GIPC3: variants seen among roughly 807,000 people sequenced by gnomAD.
The protein encoded by GIPC3 is GIPC PDZ domain containing family member 3, also known as PDZ domain-containing protein GIPC3.
In GIPC3, 16 loss-of-function variants were observed where a neutral mutation model predicts 27.3. The ratio of observed to expected loss-of-function variants is 0.59; its 90% CI spans 0.40 to 0.89. The LOEUF is 0.89. Ranked by LOEUF, GIPC3 falls within the 40% of genes least tolerant of loss-of-function variation. The probability of loss-of-function intolerance (pLI) is 0.00; values close to 1 mark genes in which losing one functional copy is unlikely to be tolerated. For missense variants in GIPC3, 440 were observed against 442.1 expected (o/e 1.00, Z 0.04); for synonymous variants, 194 against 184.6 (o/e 1.05, Z -0.41).
chr19:3,586,728 C>T (rs2032373510), intron 2 of GIPC3, 48 bp downstream of exon 2: 2 of 1,599,148 alleles, frequency 1.3e-6, no homozygotes, highest in Non-Finnish European at 8.6e-7. Flanking sequence ...CCAGCAACTG[C>T]CCCCCCCACT....
rs992173632 is a variant in GIPC3 at position 3,593,144 on chromosome 19, C to T, written c.*2954C>T. On this transcript the variant is annotated 3_prime_UTR_variant, in exon 6 of 6. Transcript: ENST00000644452. ...CCCGGGTGGGACCCCAGAAGTCCAC[C>T]CCACCCACCATATCTGTCACTCCTA... is the stretch of plus-strand genomic sequence containing the variant. 1.6e-5 allele frequency: 20 copies of T among 1,232,136 alleles called. No individual in the cohort carries two copies. The Admixed American group carries it at 8.4e-4, about 52-fold the overall frequency. The allele number at this position is 1,232,136 out of a possible 1,614,324, so 76.3% of individuals were successfully genotyped here.
In GIPC3 at chr19:3,590,347, G is replaced by A; in HGVS notation, c.*157G>A. The A allele has an allele frequency of 6.9e-7, 1 of 1,443,694 alleles. No homozygotes were observed. Among genetic ancestry groups the A allele is most frequent in the Non-Finnish European group, 9.1e-7 (1 of 1,102,098 alleles). The allele number at this position is 1,443,694 out of a possible 1,614,324, so 89.4% of individuals were successfully genotyped here. A position where few individuals can be genotyped will look rare whatever the true frequency, so the allele number is the denominator to read the frequency against. On this transcript the variant is annotated 3_prime_UTR_variant, in exon 6 of 6. Transcript: ENST00000644452. ...AACTCCAGAACCCAACCCTTCTCTAGAATCCAGCCCAGATCTGAGGCCAAG... is the reference window on the plus strand; with the variant it reads ...AACTCCAGAACCCAACCCTTCTCTAAAATCCAGCCCAGATCTGAGGCCAAG...
Position 3,585,894 on chromosome 19 carries a change from G to T in GIPC3, c.225+72G>T, listed in dbSNP as rs1384205891. ...TGAGGGGTAGGGAGCTTGGACCCTG[G>T]ACGGGAGACCCCAGATCCCCGGATC... On this transcript the variant is annotated intron_variant, in intron 1 of 5. Coordinates refer to ENST00000644452, the MANE Select transcript of GIPC3 (RefSeq NM_133261.3). 4 of 1,501,412 alleles carry T rather than the reference G, an allele frequency of 2.7e-6. No individual in the cohort carries two copies. In the African/African-American group the frequency reaches 5.7e-5, roughly 21 times the overall value. The allele number at this position is 1,501,412 out of a possible 1,614,324, so 93.0% of individuals were successfully genotyped here. A position where few individuals can be genotyped will look rare whatever the true frequency, so the allele number is the denominator to read the frequency against.
chr19:3,590,277 G>C lies in GIPC3; in HGVS notation c.*87G>C. On this transcript the variant is annotated 3_prime_UTR_variant, in exon 6 of 6. Coordinates refer to ENST00000644452, the MANE Select transcript of GIPC3 (RefSeq NM_133261.3). ...CTCCAGAACCCAGCCCAGATCGGAG[G>C]ACAAGTTCCTCTCTAGAACCCAATC... 6.6e-7 allele frequency: 1 copy of C among 1,507,904 alleles called. No homozygotes were observed. Among genetic ancestry groups the C allele is most frequent in the Admixed American group, 2.1e-5 (1 of 46,730 alleles). The allele number at this position is 1,507,904 out of a possible 1,614,324, so 93.4% of individuals were successfully genotyped here.
rs1007362364 is a variant in GIPC3 at position 3,590,461 on chromosome 19, A to C, written c.*271A>C. The C allele has an allele frequency of 1.4e-6, 2 of 1,422,464 alleles. No homozygotes were observed. Among genetic ancestry groups the C allele is most frequent in the Non-Finnish European group, 1.8e-6 (2 of 1,093,442 alleles). The allele number at this position is 1,422,464 out of a possible 1,614,324, so 88.1% of individuals were successfully genotyped here. A position where few individuals can be genotyped will look rare whatever the true frequency, so the allele number is the denominator to read the frequency against. On this transcript the variant is annotated 3_prime_UTR_variant, in exon 6 of 6. Coordinates refer to ENST00000644452, the MANE Select transcript of GIPC3 (RefSeq NM_133261.3). Reference sequence around the variant, plus strand: ...AAAACTCAGGCCAGCCCTGAGACCAAGCCCAGCTCTAGAACTCAGATGAGC... The same window carrying C: ...AAAACTCAGGCCAGCCCTGAGACCACGCCCAGCTCTAGAACTCAGATGAGC...
rs2032497961 is a variant in GIPC3 at position 3,592,202 on chromosome 19, AG to A, written c.*2013del. On this transcript the variant is annotated 3_prime_UTR_variant, in exon 6 of 6. Coordinates refer to ENST00000644452, the MANE Select transcript of GIPC3 (RefSeq NM_133261.3). ...GCTCCAGGACCCAGCGCTGCCCAGGAGCTCGACCAGCCTCTGGGACTCAATT... is the reference window on the plus strand; with the variant it reads ...GCTCCAGGACCCAGCGCTGCCCAGGACTCGACCAGCCTCTGGGACTCAATT... The A allele has an allele frequency of 8.1e-7, 1 of 1,231,948 alleles. No individual in the cohort carries two copies. Among genetic ancestry groups the A allele is most frequent in the African/African-American group, 1.6e-5 (1 of 64,408 alleles). The allele number at this position is 1,231,948 out of a possible 1,614,324, so 76.3% of individuals were successfully genotyped here. A position where few individuals can be genotyped will look rare whatever the true frequency, so the allele number is the denominator to read the frequency against.
rs1402158545 is a variant in GIPC3, at chr19:3,593,133, C to T, written c.*2943C>T. On this transcript the variant is annotated 3_prime_UTR_variant, in exon 6 of 6. Transcript: ENST00000644452. ...CTCTCCCAAGCCCCGGGTGGGACCC[C>T]AGAAGTCCACCCCACCCACCATATC... The T allele has an allele frequency of 2.4e-6, 3 of 1,232,194 alleles. No individual in the cohort carries two copies. The African/African-American group carries it at 4.7e-5, about 19-fold the overall frequency. The allele number at this position is 1,232,194 out of a possible 1,614,324, so 76.3% of individuals were successfully genotyped here.
At chr19:3,585,944 T>A in intron 1 of GIPC3, 122 bp downstream of exon 1, 1 of 1,442,590 alleles carries the variant, frequency 6.9e-7, no homozygotes, top group South Asian at 1.3e-5. Context: ...GGCCGCCTAA[T>A]CGCCGGATCT....
chr19:3,589,145 G>T (rs2032432846), intron 3 of GIPC3, among the ~76,000 whole-genome samples: 1 of 152,098 alleles, frequency 6.6e-6, no homozygotes, highest in South Asian at 2.1e-4. Context: ...CACAAGGAGG[G>T]TCCCAAGCAG....
At position 3,591,731 on chromosome 19, in the gene GIPC3, T is replaced by G; in HGVS notation, c.*1541T>G. 8.1e-7 allele frequency: 1 copy of G among 1,233,560 alleles called. No individual in the cohort carries two copies. The highest frequency in any genetic ancestry group is 1.0e-6 in the Non-Finnish European group (1 of 989,210). 76.4% of individuals were successfully genotyped at this position (1,233,560 alleles called of 1,614,324 possible). A position where few individuals can be genotyped will look rare whatever the true frequency, so the allele number is the denominator to read the frequency against. Reference sequence around the variant, plus strand: ...CCAGCTCCAGTGATGATTCCAGCTCTGAGACTGAGCCCAGCTCTAGAACCT... The same window carrying G: ...CCAGCTCCAGTGATGATTCCAGCTCGGAGACTGAGCCCAGCTCTAGAACCT... On this transcript the variant is annotated 3_prime_UTR_variant, in exon 6 of 6. Coordinates refer to ENST00000644452, the MANE Select transcript of GIPC3 (RefSeq NM_133261.3).
chr19:3,586,397 G>A, intron 1 of GIPC3, 98 bp from the exon 2 acceptor site: 1 of 1,100,682 alleles, frequency 9.1e-7, no homozygotes, highest in Non-Finnish European at 1.3e-6. Context: ...CCATGGGCTG[G>A]GATCCTGGTC....
Position 3,586,957 on chromosome 19 carries a change from C to T in GIPC3, c.555C>T (p.Pro185=), listed in dbSNP as rs1242302442. Residue 185 remains proline, a synonymous_variant, in exon 3 of 6, where the codon CCC becomes CCT. Coordinates refer to ENST00000644452, the MANE Select transcript of GIPC3 (RefSeq NM_133261.3). The part of the protein sequence containing the change: ...KMLRELPKSQ[P]FTLRLVQPKR... ...TCCGGGAGCTGCCCAAGTCCCAGCCCTTCACCCTGCGCCTGGTGCAGCCCA... is the reference window on the plus strand; with the variant it reads ...TCCGGGAGCTGCCCAAGTCCCAGCCTTTCACCCTGCGCCTGGTGCAGCCCA... 6.2e-7 allele frequency: 1 copy of T among 1,613,094 alleles called. No individual in the cohort carries two copies. The highest frequency in any genetic ancestry group is 8.5e-7 in the Non-Finnish European group (1 of 1,179,948).
In GIPC3 at chr19:3,590,611, G is replaced by C; in HGVS notation, c.*421G>C. On this transcript the variant is annotated 3_prime_UTR_variant, in exon 6 of 6. Coordinates refer to ENST00000644452, the MANE Select transcript of GIPC3 (RefSeq NM_133261.3). ...ATGCCCAGCTCTAGAACTCAGATGG[G>C]CTCTGAGACCATGCCCAGCTCTAGA... 7.8e-7 allele frequency: 1 copy of C among 1,288,466 alleles called. No individual in the cohort carries two copies. Among genetic ancestry groups the C allele is most frequent in the Non-Finnish European group, 9.8e-7 (1 of 1,019,620 alleles). The allele number at this position is 1,288,466 out of a possible 1,614,324, so 79.8% of individuals were successfully genotyped here.
At chr19:3,588,995 GC>G (rs1201475271) in intron 3 of GIPC3, among the ~76,000 whole-genome samples, 2 of 151,202 alleles carry the variant, frequency 1.3e-5, no homozygotes, top group African/African-American at 4.9e-5. Flanking sequence ...CAGCTCTAGA[GC>G]CCAGGCCAGC....
At chr19:3,589,659 C>A in intron 4 of GIPC3, 104 bp downstream of exon 4, 3 of 1,176,934 alleles carry the variant, frequency 2.5e-6, no homozygotes, top group East Asian at 2.4e-5. Flanking sequence ...CTCAGTTTCT[C>A]TGCCTGCAAA....
In GIPC3 at chr19:3,586,041, A is replaced by G. The variant is rs35181970; in HGVS notation, c.225+219A>G. Among the ~76,000 whole-genome samples, 34,430 of 152,042 alleles carry G rather than the reference A, an allele frequency of 0.23. 6,287 individuals are homozygous for G. The highest frequency in any genetic ancestry group is 0.51 in the African/African-American group (21,086 of 41,448). Reference sequence around the variant, plus strand: ...GCGCAAAAGATGGGCAGGTCTTAGGACTAGCGGACCCCTAGATATTCCAGA... The same window carrying G: ...GCGCAAAAGATGGGCAGGTCTTAGGGCTAGCGGACCCCTAGATATTCCAGA... On this transcript the variant is annotated intron_variant, in intron 1 of 5. Transcript: ENST00000644452.
chr19:3,587,695 C>CTTTTTTCTTTTTTTTTTTTTTTTCT (rs548820972), intron 3 of GIPC3, among the ~76,000 whole-genome samples: 1 of 131,208 alleles, frequency 7.6e-6, no homozygotes, highest in African/African-American at 3.0e-5. Context: ...CTTTTCTTTT[C>CTTTTTTCTTTTTTTTTTTTTTTTCT]TTTTTTTTTT....
chr19:3,590,512 C>A lies in GIPC3; in HGVS notation c.*322C>A, dbSNP rs1439978644. On this transcript the variant is annotated 3_prime_UTR_variant, in exon 6 of 6. Coordinates refer to ENST00000644452, the MANE Select transcript of GIPC3 (RefSeq NM_133261.3). Reference sequence around the variant, plus strand: ...TTTGAGACCATGCCCAGCACTGAGACCAAGCCCTGTTCTAGAACTCAGGCC... The same window carrying A: ...TTTGAGACCATGCCCAGCACTGAGAACAAGCCCTGTTCTAGAACTCAGGCC... 7.1e-7 allele frequency: 1 copy of A among 1,399,200 alleles called. No homozygotes were observed. The allele number at this position is 1,399,200 out of a possible 1,614,324, so 86.7% of individuals were successfully genotyped here. A position where few individuals can be genotyped will look rare whatever the true frequency, so the allele number is the denominator to read the frequency against.
intron 3 of GIPC3, among the ~76,000 whole-genome samples, chr19:3,588,761 G>A (rs943773984): frequency 1.7e-4 from 26 of 151,776 alleles, no homozygotes; most frequent in African/African-American, 6.3e-4. Flanking sequence ...TGGCCAATAT[G>A]GTGAAACCCT....
Sources: allele counts gnomAD v4.1 joint callset (sites outside exome capture counted in the v4.1 genomes callset), GRCh38; gene constraint gnomAD v4.1.1; transcripts MANE v1.5; gene names NCBI Gene and HGNC (gene_info 2026-07-23, HGNC 2026-07-21).